The following IP6K1 variants were observed in gnomAD, a reference collection of about 807,000 sequenced individuals.
IP6K1 encodes inositol hexakisphosphate kinase 1, also known as ATP:1D-myo-inositol-hexakisphosphate phosphotransferase.
A neutral mutation model predicts 38.3 loss-of-function variants in IP6K1; 13 were observed. The ratio of observed to expected loss-of-function variants is 0.34; its 90% CI spans 0.22 to 0.54. IP6K1 has a LOEUF of 0.54. Ranked by LOEUF, IP6K1 falls within the 20% of genes least tolerant of loss-of-function variation. The pLI, the probability that IP6K1 is intolerant of heterozygous loss-of-function variation, is 0.92. For missense variants in IP6K1, 397 were observed against 599.8 expected (o/e 0.66, Z 3.53); for synonymous variants, 212 against 229.9 (o/e 0.92, Z 0.70).
At chr3:49,784,079 C>T (rs2081090833) in intron 1 of IP6K1, among the ~76,000 whole-genome samples, 1 of 151,972 alleles carries the variant, frequency 6.6e-6, no homozygotes, top group Non-Finnish European at 1.5e-5. Context: ...TGCAGTGGCG[C>T]GATCTCAGCT....
chr3:49,744,401 CAAAAAAAAAAAAAAAA>C (rs56916226), intron 2 of IP6K1, among the ~76,000 whole-genome samples: 127 of 76,222 alleles, frequency 1.7e-3, no homozygotes, highest in Non-Finnish European at 2.3e-3. Context: ...GACTCCGTCT[CAAAAAAAAAAAAAAAA>C]AAAAAAAAAA....
At chr3:49,759,277 T>G (rs114427427) in intron 1 of IP6K1, among the ~76,000 whole-genome samples, 1 of 152,176 alleles carries the variant, frequency 6.6e-6, no homozygotes, top group Non-Finnish European at 1.5e-5. Flanking sequence ...TCTGAAAATA[T>G]AGTCAAAGAT....
intron 1 of IP6K1, among the ~76,000 whole-genome samples, chr3:49,765,581 C>CA (rs939284739): frequency 1.0e-4 from 15 of 143,258 alleles, no homozygotes; most frequent in African/African-American, 3.9e-4. Context: ...ACATGGGAAT[C>CA]AGAGGTTGCA....
chr3:49,783,003 C>T (rs1432256807), intron 1 of IP6K1, among the ~76,000 whole-genome samples: 1 of 151,670 alleles, frequency 6.6e-6, no homozygotes, highest in African/African-American at 2.4e-5. Context: ...TCCTGTAGTC[C>T]CAGCTACTCG....
chr3:49,776,747 T>C (rs1203825858), intron 1 of IP6K1, among the ~76,000 whole-genome samples: 2 of 152,142 alleles, frequency 1.3e-5, no homozygotes, highest in African/African-American at 4.8e-5. Context: ...TTAGCAGGTC[T>C]GCAAACTTGA....
At chr3:49,768,432 G>A (rs1361766666) in intron 1 of IP6K1, among the ~76,000 whole-genome samples, 1 of 152,164 alleles carries the variant, frequency 6.6e-6, no homozygotes, top group Non-Finnish European at 1.5e-5. Flanking sequence ...AAATAAGCCA[G>A]GCACAAAAGG....
At chr3:49,774,250 C>CA (rs1181027721) in intron 1 of IP6K1, among the ~76,000 whole-genome samples, 4 of 150,386 alleles carry the variant, frequency 2.7e-5, no homozygotes, top group Non-Finnish European at 5.9e-5. Context: ...ACTAAAAATA[C>CA]AAAAAAAATT....
At chr3:49,736,233 T>C (rs576945548) in intron 3 of IP6K1, among the ~76,000 whole-genome samples, 72 of 152,298 alleles carry the variant, frequency 4.7e-4, no homozygotes, top group African/African-American at 1.5e-3. Flanking sequence ...CTATTATTAT[T>C]TTTTTATTTT....
At chr3:49,769,594 C>T (rs2080940905) in intron 1 of IP6K1, among the ~76,000 whole-genome samples, 1 of 152,174 alleles carries the variant, frequency 6.6e-6, no homozygotes, top group Admixed American at 6.6e-5. Context: ...AATTTTTTTA[C>T]ATTCTTCCCT....
intron 1 of IP6K1, among the ~76,000 whole-genome samples, chr3:49,785,125 C>T (rs2081100186): frequency 6.6e-6 from 1 of 152,192 alleles, no homozygotes; most frequent in East Asian, 1.9e-4. Context: ...TAGACCTGCA[C>T]ACTCTACTGA....
intron 1 of IP6K1, among the ~76,000 whole-genome samples, chr3:49,783,233 A>T (rs1319354678): frequency 6.6e-6 from 1 of 152,004 alleles, no homozygotes; most frequent in Non-Finnish European, 1.5e-5. Flanking sequence ...TGGGCAACTG[A>T]GACCCCATCT....
Position 49,784,603 on chromosome 3 carries a change from C to T in IP6K1, c.-129+1751G>A, listed in dbSNP as rs979946106. On this transcript the variant is annotated intron_variant, in intron 1 of 5. Transcript: ENST00000321599. ...GAGGTTGCAGTCAGCTGAGATTGTG[C>T]CATTGCACTCCAGCCTGGGTGAGAG... is the stretch of plus-strand genomic sequence containing the variant. Among the ~76,000 whole-genome samples, 5 of 149,494 alleles carry T rather than the reference C, an allele frequency of 3.3e-5. No homozygotes were observed. In the East Asian group the frequency reaches 7.9e-4, roughly 24 times the overall value.
chr3:49,780,297 TATC>T (rs1357011369), intron 1 of IP6K1, among the ~76,000 whole-genome samples: 4 of 13,504 alleles, frequency 3.0e-4, no homozygotes, highest in African/African-American at 4.6e-4. Context: ...CGAGAATCTT[TATC>T]ATCTTTCATA....
intron 1 of IP6K1, among the ~76,000 whole-genome samples, chr3:49,780,495 G>C (rs149866048): frequency 8.3e-4 from 126 of 152,262 alleles, no homozygotes; most frequent in African/African-American, 2.9e-3. Flanking sequence ...TCAGAAACAA[G>C]AGTGTACTGT....
intron 2 of IP6K1, among the ~76,000 whole-genome samples, chr3:49,742,972 T>TA (rs1305963464): frequency 6.6e-6 from 1 of 150,422 alleles, no homozygotes; most frequent in African/African-American, 2.4e-5. Flanking sequence ...CTCATACCTG[T>TA]ATCCAGGCAC....
At chr3:49,783,948 T>C (rs537700284) in intron 1 of IP6K1, among the ~76,000 whole-genome samples, 2 of 152,130 alleles carry the variant, frequency 1.3e-5, no homozygotes, top group Non-Finnish European at 2.9e-5. Flanking sequence ...GTTCAGCACC[T>C]GCTTTCCTAA....
chr3:49,758,885 C>G (rs1342013116), intron 1 of IP6K1, among the ~76,000 whole-genome samples: 11 of 151,608 alleles, frequency 7.3e-5, no homozygotes, highest in Admixed American at 7.2e-4. Context: ...CGCTTGAACC[C>G]AGGAGGCGGA....
rs2080760259 is a variant in IP6K1, at chr3:49,750,128, CTTAAAAATAGAGTTGCTGGAT to C, written c.-128-1981_-128-1961del. 7.9e-5 allele frequency among the ~76,000 whole-genome samples: 12 copies of C among 152,308 alleles called. No individual in the cohort carries two copies. The South Asian group carries it at 2.5e-3, about 32-fold the overall frequency. ...GGCAGTTTCCACCACGTAGTAAATA[CTTAAAAATAGAGTTGCTGGAT>C]TGTGGAGGGCAGGTCAGGGTCTCTG... is the stretch of plus-strand genomic sequence containing the variant. On this transcript the variant is annotated intron_variant, in intron 1 of 5. Transcript: ENST00000321599.
intron 3 of IP6K1, among the ~76,000 whole-genome samples, 154 bp from the exon 4 acceptor site, chr3:49,733,126 A>G (rs1435813098): frequency 6.6e-6 from 1 of 152,118 alleles, no homozygotes; most frequent in Non-Finnish European, 1.5e-5. Flanking sequence ...AAATGAGTAA[A>G]TGTTATGAGT....
Sources: gnomAD v4.1 joint callset for allele counts (sites outside exome capture counted in the v4.1 genomes callset) on GRCh38, gnomAD v4.1.1 for gene constraint, MANE v1.5 for transcripts, NCBI Gene and HGNC (gene_info 2026-07-23, HGNC 2026-07-21) for gene names.